Variants in MRPL13 observed in about 807,000 individuals in gnomAD.
MRPL13 encodes the protein mitochondrial ribosomal protein L13.
A neutral mutation model predicts 29.0 loss-of-function variants in MRPL13; 33 were observed. That is an observed-to-expected ratio of 1.14 (90% CI 0.86 to 1.52). The LOEUF (loss-of-function observed/expected upper bound fraction) is 1.52. MRPL13 is among the 40% of genes most tolerant of loss of function. The probability of loss-of-function intolerance (pLI) is 0.00; values close to 1 mark genes in which losing one functional copy is unlikely to be tolerated. For synonymous variants in MRPL13, 77 were observed against 68.4 expected (o/e 1.13, Z -0.62); for missense variants, 227 against 216.7 (o/e 1.05, Z -0.30).
intron 5 of MRPL13, chr8:120,419,577 C>T (rs1937112004): frequency 5.0e-6 from 1 of 200,140 alleles, no homozygotes. Flanking sequence ...AACAGGGTTT[C>T]TGATCATAGC....
At chr8:120,429,395 G>C (rs560427384) in intron 3 of MRPL13, among the ~76,000 whole-genome samples, 2 of 151,856 alleles carry the variant, frequency 1.3e-5, no homozygotes, top group Admixed American at 1.3e-4. Context: ...ATGGGTACTG[G>C]GCTTAATACC....
rs1386815229 is a variant in MRPL13, at chr8:120,395,484, G to A, written c.*620C>T. 2 of 152,446 alleles carry A rather than the reference G, an allele frequency of 1.3e-5. No homozygotes were observed. Among genetic ancestry groups the A allele is most frequent in the Admixed American group, 6.5e-5 (1 of 15,280 alleles). The allele number at this position is 152,446 out of a possible 1,614,324, so 9.4% of individuals were successfully genotyped here. ...AACAGGACAGATATGGGAAAACAGT[G>A]TGGAGAGTCTACAAACAGAATCACT... On this transcript the variant is annotated 3_prime_UTR_variant, in exon 7 of 7. Coordinates refer to ENST00000306185, the MANE Select transcript of MRPL13 (RefSeq NM_014078.6).
rs1298422409 is a variant in MRPL13 at position 120,437,827 on chromosome 8, A to G, written c.151+5358T>C. Among the ~76,000 whole-genome samples, 3 of 152,174 alleles carry G rather than the reference A, an allele frequency of 2.0e-5. No homozygotes were observed. In the East Asian group the frequency reaches 5.8e-4, roughly 29 times the overall value. Reference sequence around the variant, plus strand: ...AATTTTTACAACCATTTGTAGAACAATGATCATCATTTGTAATATTATTTT... The same window carrying G: ...AATTTTTACAACCATTTGTAGAACAGTGATCATCATTTGTAATATTATTTT... On this transcript the variant is annotated intron_variant, in intron 2 of 6. Coordinates refer to ENST00000306185, the MANE Select transcript of MRPL13 (RefSeq NM_014078.6).
chr8:120,412,540 A>G (rs1472569664), intron 6 of MRPL13, among the ~76,000 whole-genome samples: 1 of 152,178 alleles, frequency 6.6e-6, no homozygotes, highest in Non-Finnish European at 1.5e-5. Context: ...TGACTTACTT[A>G]AGGTTATAGA....
At chr8:120,396,706 T>A (rs1228329946) in intron 6 of MRPL13, among the ~76,000 whole-genome samples, 3 of 152,098 alleles carry the variant, frequency 2.0e-5, no homozygotes, top group African/African-American at 4.8e-5. Context: ...TTAAAAAAAT[T>A]TTTCAGAAGT....
chr8:120,441,472 A>G (rs1367086120), intron 2 of MRPL13, among the ~76,000 whole-genome samples: 1 of 152,158 alleles, frequency 6.6e-6, no homozygotes, highest in Non-Finnish European at 1.5e-5. Context: ...CAAGGGTACT[A>G]AGAAAGGGAG....
At chr8:120,398,541 GAGAA>G (rs1243693227) in intron 6 of MRPL13, among the ~76,000 whole-genome samples, 1 of 152,168 alleles carries the variant, frequency 6.6e-6, no homozygotes, top group East Asian at 1.9e-4. Context: ...CCACAAAGAT[GAGAA>G]AGAATCAATG....
chr8:120,437,164 T>G (rs1470314482), intron 2 of MRPL13, among the ~76,000 whole-genome samples: 1 of 152,152 alleles, frequency 6.6e-6, no homozygotes, highest in African/African-American at 2.4e-5. Flanking sequence ...GATTGCAAAA[T>G]TAAAATGCTG....
chr8:120,420,181 G>C (rs1005832332), intron 4 of MRPL13, among the ~76,000 whole-genome samples: 1 of 151,550 alleles, frequency 6.6e-6, no homozygotes. Flanking sequence ...AAAGTAACCC[G>C]TATATGTGCC....
chr8:120,404,671 A>T (rs765822657), intron 6 of MRPL13, among the ~76,000 whole-genome samples: 5 of 152,220 alleles, frequency 3.3e-5, no homozygotes, highest in Admixed American at 1.3e-4. Context: ...AAAGTATAAT[A>T]AAGACTTCAC....
chr8:120,430,359 G>C (rs1812984652), intron 3 of MRPL13, among the ~76,000 whole-genome samples: 1 of 152,128 alleles, frequency 6.6e-6, no homozygotes, highest in South Asian at 2.1e-4. Flanking sequence ...CATGGGATCA[G>C]GAGTGAATTT....
chr8:120,438,424 C>G (rs1353481475), intron 2 of MRPL13, among the ~76,000 whole-genome samples: 1 of 152,218 alleles, frequency 6.6e-6, no homozygotes, highest in Admixed American at 6.5e-5. Context: ...GCAGCCACAA[C>G]AGCTCTTCTG....
At chr8:120,407,568 C>T (rs1263044661) in intron 6 of MRPL13, among the ~76,000 whole-genome samples, 1 of 151,928 alleles carries the variant, frequency 6.6e-6, no homozygotes, top group East Asian at 1.9e-4. Context: ...ATTGCTTGAA[C>T]CCGGGAGGCA....
chr8:120,441,192 C>T (rs1302061763), intron 2 of MRPL13, among the ~76,000 whole-genome samples: 1 of 152,128 alleles, frequency 6.6e-6, no homozygotes, highest in Non-Finnish European at 1.5e-5. Context: ...AGAAGCAAGA[C>T]ATCTCCAAAT....
At chr8:120,408,967 A>T (rs1812711195) in intron 6 of MRPL13, among the ~76,000 whole-genome samples, 1 of 152,172 alleles carries the variant, frequency 6.6e-6, no homozygotes, top group Admixed American at 6.5e-5. Flanking sequence ...TGGATCACAT[A>T]TTGAACTCCC....
chr8:120,414,263 A>G (rs978713002), intron 5 of MRPL13, 151 bp from the exon 6 acceptor site: 7 of 617,814 alleles, frequency 1.1e-5, no homozygotes, highest in Non-Finnish European at 1.4e-5. Flanking sequence ...CCTTATAAAA[A>G]TTCCCCAAAA....
chr8:120,404,715 G>A (rs973919820), intron 6 of MRPL13, among the ~76,000 whole-genome samples: 1 of 152,158 alleles, frequency 6.6e-6, no homozygotes, highest in Admixed American at 6.5e-5. Flanking sequence ...TACTTTGTAA[G>A]AAAGACACTG....
At chr8:120,427,651 C>T (rs1812945968) in intron 3 of MRPL13, among the ~76,000 whole-genome samples, 1 of 151,926 alleles carries the variant, frequency 6.6e-6, no homozygotes, top group Non-Finnish European at 1.5e-5. Flanking sequence ...ATGAGAACTA[C>T]AAACTACTGC....
chr8:120,428,360 C>G (rs759844537), intron 3 of MRPL13, among the ~76,000 whole-genome samples: 1 of 152,120 alleles, frequency 6.6e-6, no homozygotes, highest in African/African-American at 2.4e-5. Context: ...GGATTCCAGA[C>G]TTAACTGTAA....
Sources: gnomAD v4.1 joint callset for allele counts (sites outside exome capture counted in the v4.1 genomes callset) on GRCh38, gnomAD v4.1.1 for gene constraint, MANE v1.5 for transcripts, NCBI Gene and HGNC (gene_info 2026-07-23, HGNC 2026-07-21) for gene names.